Variants in CLSTN2 observed in about 807,000 individuals in gnomAD.
CLSTN2 encodes calsyntenin-2.
CLSTN2 carries 48 observed loss-of-function variants against 101.2 expected under a neutral mutation model. That is an observed-to-expected ratio of 0.47 (90% CI 0.38 to 0.60). The LOEUF is 0.60. Ranked by LOEUF, CLSTN2 falls within the 20% of genes least tolerant of loss-of-function variation. The pLI is 0.00. For synonymous variants in CLSTN2, 481 were observed against 463.6 expected (o/e 1.04, Z -0.48); for missense variants, 1,160 against 1,238.2 (o/e 0.94, Z 0.95).
chr3:140,363,377 G>A (rs993862520), intron 2 of CLSTN2, among the ~76,000 whole-genome samples: 74 of 152,276 alleles, frequency 4.9e-4, no homozygotes, highest in Non-Finnish European at 1.9e-4. Flanking sequence ...GGGATCTTTT[G>A]CATGTAATAG....
intron 1 of CLSTN2, among the ~76,000 whole-genome samples, chr3:140,138,458 G>A (rs79455769): frequency 0.02 from 2,971 of 152,252 alleles, 104 homozygotes; most frequent in African/African-American, 0.067. Flanking sequence ...GTCCACCTGA[G>A]GTAAGTGCAT....
At chr3:140,212,153 A>G (rs1341464518) in intron 2 of CLSTN2, among the ~76,000 whole-genome samples, 1 of 152,210 alleles carries the variant, frequency 6.6e-6, no homozygotes, top group African/African-American at 2.4e-5. Context: ...CGGGAACACA[A>G]CAGGTGCTTG....
chr3:140,304,008 C>T (rs1011758), intron 2 of CLSTN2, among the ~76,000 whole-genome samples: 54,008 of 151,754 alleles, frequency 0.36, 10,881 homozygotes, highest in Non-Finnish European at 0.47. Context: ...GAAATAGCAA[C>T]CAGAAAACCT....
chr3:140,527,413 A>G (rs1025820400), intron 8 of CLSTN2, among the ~76,000 whole-genome samples: 1 of 152,206 alleles, frequency 6.6e-6, no homozygotes, highest in Non-Finnish European at 1.5e-5. Context: ...GCAATTATTA[A>G]AAAATCAAAA....
Position 140,571,624 on chromosome 3 carries a change from C to T in CLSTN2, c.*5371C>T, listed in dbSNP as rs1447102910. ...GCACAATTTAATTTTCACATAACCA[C>T]TTTCCATTGTCCAGCTGCAGGCAAA... On this transcript the variant is annotated 3_prime_UTR_variant, in exon 17 of 17. Transcript: ENST00000458420. 1 of 152,240 alleles carries T rather than the reference C, an allele frequency of 6.6e-6. No homozygotes were observed. Among genetic ancestry groups the T allele is most frequent in the African/African-American group, 2.4e-5 (1 of 41,464 alleles). The allele number at this position is 152,240 out of a possible 1,614,324, so 9.4% of individuals were successfully genotyped here. A position where few individuals can be genotyped will look rare whatever the true frequency, so the allele number is the denominator to read the frequency against.
intron 9 of CLSTN2, among the ~76,000 whole-genome samples, chr3:140,533,264 G>C (rs1026017283): frequency 2.6e-5 from 4 of 152,200 alleles, no homozygotes; most frequent in Non-Finnish European, 5.9e-5. Flanking sequence ...ACCAGTAAGA[G>C]AGCAGAAGGA....
Position 140,043,131 on chromosome 3 carries a change from G to C in CLSTN2, c.109+107648G>C, listed in dbSNP as rs575673216. 3.4e-4 allele frequency among the ~76,000 whole-genome samples: 52 copies of C among 152,258 alleles called. 2 individuals carry two copies. The South Asian group carries it at 0.011, about 31-fold the overall frequency. ...TCCACAATGGTTGAACTAGTTTACA[G>C]TCCCACCAACAGTGTAAAAGTGTTC... On this transcript the variant is annotated intron_variant, in intron 1 of 16. Transcript: ENST00000458420.
intron 8 of CLSTN2, among the ~76,000 whole-genome samples, chr3:140,488,006 A>G (rs533285662): frequency 6.6e-6 from 1 of 152,342 alleles, no homozygotes; most frequent in Admixed American, 6.5e-5. Flanking sequence ...TAGACATAAA[A>G]TGAGTCTTAT....
At chr3:140,293,567 G>C (rs1036664218) in intron 2 of CLSTN2, among the ~76,000 whole-genome samples, 3 of 152,172 alleles carry the variant, frequency 2.0e-5, no homozygotes, top group African/African-American at 2.4e-5. Flanking sequence ...GCAGTGGAAA[G>C]GATGAAATTA....
At chr3:140,489,071 T>C (rs1237668534) in intron 8 of CLSTN2, among the ~76,000 whole-genome samples, 1 of 152,178 alleles carries the variant, frequency 6.6e-6, no homozygotes, top group Non-Finnish European at 1.5e-5. Flanking sequence ...TCAACTACAG[T>C]GTCTAGGGAT....
chr3:140,351,795 T>G (rs2087609578), intron 2 of CLSTN2, among the ~76,000 whole-genome samples: 2 of 151,648 alleles, frequency 1.3e-5, no homozygotes, highest in Admixed American at 6.6e-5. Context: ...TTGTTTTGTT[T>G]TTTTTTTTTC....
intron 1 of CLSTN2, among the ~76,000 whole-genome samples, chr3:140,062,121 C>T (rs535984527): frequency 1.3e-5 from 2 of 152,096 alleles, no homozygotes; most frequent in Non-Finnish European, 2.9e-5. Context: ...ATCAGGTATG[C>T]AGGGAAGGCC....
chr3:140,545,289 C>T (rs1196570540), intron 9 of CLSTN2, among the ~76,000 whole-genome samples: 3 of 152,120 alleles, frequency 2.0e-5, no homozygotes, highest in Admixed American at 6.5e-5. Context: ...AGAAGGTGTC[C>T]CACTGGAGCA....
intron 1 of CLSTN2, among the ~76,000 whole-genome samples, chr3:139,942,844 T>TACATCA: frequency 6.6e-6 from 1 of 152,172 alleles, no homozygotes. Flanking sequence ...AGCCCATTTC[T>TACATCA]TTCACTACTG....
chr3:140,371,372 G>A (rs1376013298), intron 2 of CLSTN2, among the ~76,000 whole-genome samples: 1 of 152,162 alleles, frequency 6.6e-6, no homozygotes, highest in Non-Finnish European at 1.5e-5. Flanking sequence ...ACAGGCATTT[G>A]GGGGTGGGCA....
In CLSTN2 at chr3:140,165,108, T is replaced by G. The variant is rs143340457; in HGVS notation, c.110-10843T>G. Among the ~76,000 whole-genome samples, 239 of 152,334 alleles carry G rather than the reference T, an allele frequency of 1.6e-3. 2 individuals are homozygous for G. The highest frequency in any genetic ancestry group is 5.6e-3 in the African/African-American group (231 of 41,590). The stretch of plus-strand genomic sequence containing the variant: ...CCAATTAAAATAGTGAAATGTAATC[T>G]CATCTTCTGTGGATATTTTTCATGT... On this transcript the variant is annotated intron_variant, in intron 1 of 16. Transcript: ENST00000458420.
At chr3:140,244,663 C>T (rs57300800) in intron 2 of CLSTN2, among the ~76,000 whole-genome samples, 2,736 of 152,220 alleles carry the variant, frequency 0.018, 80 homozygotes, top group African/African-American at 0.062. Context: ...TGGCCTCTCT[C>T]CAAGACCAAG....
At chr3:140,383,888 A>G (rs1433367438) in intron 2 of CLSTN2, among the ~76,000 whole-genome samples, 2 of 152,342 alleles carry the variant, frequency 1.3e-5, no homozygotes, top group Middle Eastern at 3.4e-3. Context: ...AAATCACAAT[A>G]GGCAAATTAG....
At chr3:140,235,552 G>A (rs1394193687) in intron 2 of CLSTN2, among the ~76,000 whole-genome samples, 1 of 152,178 alleles carries the variant, frequency 6.6e-6, no homozygotes. Flanking sequence ...GGTCTGAGTG[G>A]CTCTAATTAG....
Sources: gnomAD v4.1 joint callset for allele counts (sites outside exome capture counted in the v4.1 genomes callset) on GRCh38, gnomAD v4.1.1 for gene constraint, MANE v1.5 for transcripts, NCBI Gene and HGNC (gene_info 2026-07-23, HGNC 2026-07-21) for gene names.